Variants in RNGTT observed in about 807,000 individuals in gnomAD.
RNGTT encodes the protein RNA guanylyltransferase and 5'-phosphatase.
Under a neutral mutation model 79.3 loss-of-function variants are expected in RNGTT, and 33 were observed. That is an observed-to-expected ratio of 0.42 (90% CI 0.32 to 0.56). The LOEUF (loss-of-function observed/expected upper bound fraction) is 0.56. Ranked by LOEUF, RNGTT falls within the 20% of genes least tolerant of loss-of-function variation. The pLI is 0.17. For missense variants in RNGTT, 497 were observed against 739.1 expected (o/e 0.67, Z 3.80); for synonymous variants, 222 against 235.9 (o/e 0.94, Z 0.54).
intron 4 of RNGTT, among the ~76,000 whole-genome samples, chr6:88,920,165 A>G (rs1784123036): frequency 6.6e-6 from 1 of 152,216 alleles, no homozygotes; most frequent in African/African-American, 2.4e-5. Context: ...AAAAAAATTA[A>G]TGCAGTTGTT....
chr6:88,643,765 C>T lies in RNGTT; in HGVS notation c.1507-29370G>A, dbSNP rs529316477. ...TCCTGAATGACTACTGGGTACATAA[C>T]GAAATGAAGGCAGAAATAAAGATGT... is the stretch of plus-strand genomic sequence containing the variant. On this transcript the variant is annotated intron_variant, in intron 14 of 15. Coordinates refer to ENST00000369485, the MANE Select transcript of RNGTT (RefSeq NM_003800.5). 2.1e-3 allele frequency among the ~76,000 whole-genome samples: 313 copies of T among 152,166 alleles called. 2 individuals are homozygous for T. The highest frequency in any genetic ancestry group is 7.3e-3 in the African/African-American group (305 of 41,518).
At chr6:88,879,405 A>G (rs1037855095) in intron 8 of RNGTT, among the ~76,000 whole-genome samples, 6 of 152,188 alleles carry the variant, frequency 3.9e-5, no homozygotes, top group Non-Finnish European at 8.8e-5. Context: ...ACATAAATAA[A>G]TAAATAAATA....
intron 13 of RNGTT, among the ~76,000 whole-genome samples, chr6:88,744,363 G>A (rs1290572261): frequency 6.6e-6 from 1 of 152,048 alleles, no homozygotes; most frequent in Non-Finnish European, 1.5e-5. Context: ...CCGGGTTTAA[G>A]CGATTCTCCC....
At chr6:88,731,875 T>A (rs1037465697) in intron 13 of RNGTT, among the ~76,000 whole-genome samples, 1 of 152,184 alleles carries the variant, frequency 6.6e-6, no homozygotes, top group Non-Finnish European at 1.5e-5. Flanking sequence ...AATTAACATA[T>A]ATTTTGTATA....
At chr6:88,687,766 G>A (rs780078868) in intron 13 of RNGTT, among the ~76,000 whole-genome samples, 9 of 152,156 alleles carry the variant, frequency 5.9e-5, no homozygotes, top group Non-Finnish European at 1.2e-4. Context: ...GGAATTACAG[G>A]AAGGCTAAAA....
chr6:88,688,149 T>C (rs1775347371), intron 13 of RNGTT, among the ~76,000 whole-genome samples: 1 of 152,210 alleles, frequency 6.6e-6, no homozygotes, highest in Non-Finnish European at 1.5e-5. Flanking sequence ...AATAAACTTG[T>C]TTCTCATATG....
At chr6:88,958,008 T>C (rs936269619) in intron 1 of RNGTT, among the ~76,000 whole-genome samples, 1 of 152,030 alleles carries the variant, frequency 6.6e-6, no homozygotes, top group African/African-American at 2.4e-5. Flanking sequence ...CAAAACAGCA[T>C]AGTACTGGTA....
At chr6:88,796,865 A>G (rs1489324840) in intron 12 of RNGTT, among the ~76,000 whole-genome samples, 1 of 152,156 alleles carries the variant, frequency 6.6e-6, no homozygotes, top group Non-Finnish European at 1.5e-5. Context: ...CTTACGAGAT[A>G]AAGTTTTTAA....
intron 14 of RNGTT, among the ~76,000 whole-genome samples, chr6:88,672,593 T>C (rs149057721): frequency 0.012 from 1,791 of 152,232 alleles, 29 homozygotes; most frequent in African/African-American, 0.04. Flanking sequence ...AGACTACACA[T>C]TGGGTACATT....
At chr6:88,651,097 T>A (rs2127777778) in intron 14 of RNGTT, among the ~76,000 whole-genome samples, 1 of 151,992 alleles carries the variant, frequency 6.6e-6, no homozygotes, top group South Asian at 2.1e-4. Context: ...TATACTCCCA[T>A]CTCTTTTTAT....
intron 8 of RNGTT, among the ~76,000 whole-genome samples, chr6:88,872,525 G>A: frequency 1.3e-5 from 2 of 152,212 alleles, no homozygotes; most frequent in Non-Finnish European, 2.9e-5. Context: ...ATAACTTAGA[G>A]TATCATTGGA....
At chr6:88,841,304 T>C (rs1004134034) in intron 11 of RNGTT, among the ~76,000 whole-genome samples, 5 of 152,106 alleles carry the variant, frequency 3.3e-5, no homozygotes, top group Non-Finnish European at 7.4e-5. Flanking sequence ...ATAATAAAAG[T>C]AGGATGATTA....
At chr6:88,728,118 C>CTA (rs1776983513) in intron 13 of RNGTT, among the ~76,000 whole-genome samples, 2 of 152,244 alleles carry the variant, frequency 1.3e-5, no homozygotes, top group African/African-American at 4.8e-5. Flanking sequence ...CCCTACCAAA[C>CTA]TAAAGCTAAG....
intron 6 of RNGTT, among the ~76,000 whole-genome samples, chr6:88,900,527 A>ATGGTCTT (rs1783413725): frequency 6.6e-6 from 1 of 152,106 alleles, no homozygotes; most frequent in Non-Finnish European, 1.5e-5. Flanking sequence ...TGAGGTCAGG[A>ATGGTCTT]GATCCACACA....
chr6:88,918,481 C>A (rs970800244), intron 4 of RNGTT, among the ~76,000 whole-genome samples: 1 of 151,574 alleles, frequency 6.6e-6, no homozygotes, highest in Non-Finnish European at 1.5e-5. Flanking sequence ...TTTTTTTCAG[C>A]GGGAGGGGAT....
intron 14 of RNGTT, among the ~76,000 whole-genome samples, chr6:88,620,071 C>CA (rs1484917117): frequency 6.6e-6 from 1 of 152,136 alleles, no homozygotes; most frequent in Non-Finnish European, 1.5e-5. Context: ...ACTAGTACTT[C>CA]AAAAAACGTT....
At chr6:88,714,031 A>G (rs1444159439) in intron 13 of RNGTT, among the ~76,000 whole-genome samples, 1 of 152,148 alleles carries the variant, frequency 6.6e-6, no homozygotes, top group Admixed American at 6.5e-5. Flanking sequence ...TCCAATCTCA[A>G]TGCACTGAAT....
rs979505887 is a variant in RNGTT at position 88,963,500 on chromosome 6, G to T, written c.-91C>A. ...CGTGGTCCGGTGCACACCGGGGTCCGAGACACCCGAATCGCAGCCGTAATC... is the reference window on the plus strand; with the variant it reads ...CGTGGTCCGGTGCACACCGGGGTCCTAGACACCCGAATCGCAGCCGTAATC... On this transcript the variant is annotated 5_prime_UTR_variant, in exon 1 of 16. Coordinates refer to ENST00000369485, the MANE Select transcript of RNGTT (RefSeq NM_003800.5). The T allele has an allele frequency of 1.1e-5, 14 of 1,239,618 alleles. No homozygotes were observed. The highest frequency in any genetic ancestry group is 1.5e-5 in the Non-Finnish European group (14 of 915,822). The allele number at this position is 1,239,618 out of a possible 1,614,324, so 76.8% of individuals were successfully genotyped here.
At chr6:88,819,179 T>C (rs1780422130) in intron 11 of RNGTT, among the ~76,000 whole-genome samples, 1 of 152,162 alleles carries the variant, frequency 6.6e-6, no homozygotes, top group South Asian at 2.1e-4. Flanking sequence ...CAAAATTATA[T>C]AAAACTTAAA....
Sources: gnomAD v4.1 joint callset for allele counts (sites outside exome capture counted in the v4.1 genomes callset) on GRCh38, gnomAD v4.1.1 for gene constraint, MANE v1.5 for transcripts, NCBI Gene and HGNC (gene_info 2026-07-23, HGNC 2026-07-21) for gene names.